The following PARP11 variants were observed in gnomAD, a reference collection of about 807,000 sequenced individuals.
PARP11 encodes poly(ADP-ribose) polymerase family member 11, also known as protein mono-ADP-ribosyltransferase PARP11.
Under a neutral mutation model 42.9 loss-of-function variants are expected in PARP11, and 31 were observed. The ratio of observed to expected loss-of-function variants is 0.72; its 90% CI spans 0.54 to 0.98. The LOEUF is 0.98. Ranked by LOEUF, PARP11 falls within the 50% of genes least tolerant of loss-of-function variation. The pLI, the probability that PARP11 is intolerant of heterozygous loss-of-function variation, is 0.00. For synonymous variants in PARP11, 137 were observed against 127.3 expected (o/e 1.08, Z -0.51); for missense variants, 365 against 413.1 (o/e 0.88, Z 1.01).
intron 1 of PARP11, among the ~76,000 whole-genome samples, chr12:3,834,833 C>A (rs1475519261): frequency 1.3e-5 from 2 of 151,860 alleles, no homozygotes; most frequent in Non-Finnish European, 2.9e-5. Flanking sequence ...GCTGTGTACA[C>A]CCAGGAATGA....
At chr12:3,821,772 A>T in intron 6 of PARP11, 101 bp downstream of exon 6, 1 of 1,242,468 alleles carries the variant, frequency 8.0e-7, no homozygotes, top group Non-Finnish European at 1.1e-6. Flanking sequence ...AGAGAAAAAC[A>T]GCATGTCTAC....
chr12:3,844,207 T>C (rs546786020), intron 1 of PARP11, among the ~76,000 whole-genome samples: 14 of 152,298 alleles, frequency 9.2e-5, no homozygotes, highest in African/African-American at 3.4e-4. Flanking sequence ...AGAGAGCACT[T>C]TGAAAGATAA....
Position 3,811,881 on chromosome 12 carries a change from C to A in PARP11, c.*242G>T, listed in dbSNP as rs183780981. The A allele has an allele frequency of 3.5e-4, 160 of 463,538 alleles. No homozygotes were observed. The highest frequency in any genetic ancestry group is 5.5e-4 in the Middle Eastern group (1 of 1,820). The allele number at this position is 463,538 out of a possible 1,614,324, so 28.7% of individuals were successfully genotyped here. A position where few individuals can be genotyped will look rare whatever the true frequency, so the allele number is the denominator to read the frequency against. ...TTCCATTTTGAATGGTATCTTTCAC[C>A]CCTATGTGTTAAAACATCAATGATA... On this transcript the variant is annotated 3_prime_UTR_variant, in exon 8 of 8. Coordinates refer to ENST00000228820, the MANE Select transcript of PARP11 (RefSeq NM_020367.6).
intron 1 of PARP11, among the ~76,000 whole-genome samples, chr12:3,853,716 G>C (rs1948141169): frequency 6.6e-6 from 1 of 152,122 alleles, no homozygotes; most frequent in African/African-American, 2.4e-5. Context: ...GTCAATATTA[G>C]ATAGATCAAC....
intron 6 of PARP11, 71 bp downstream of exon 6, chr12:3,821,802 A>T: frequency 6.8e-7 from 1 of 1,473,380 alleles, no homozygotes; most frequent in Non-Finnish European, 9.2e-7. Flanking sequence ...AATTAATACA[A>T]TTCAATATTT....
At chr12:3,865,177 G>A (rs776929867) in intron 1 of PARP11, among the ~76,000 whole-genome samples, 2 of 152,014 alleles carry the variant, frequency 1.3e-5, no homozygotes, top group Non-Finnish European at 2.9e-5. Context: ...TTCTGTTACT[G>A]GTTTCTAACT....
At chr12:3,813,785 C>T (rs1947229211) in intron 7 of PARP11, among the ~76,000 whole-genome samples, 1 of 152,168 alleles carries the variant, frequency 6.6e-6, no homozygotes, top group African/African-American at 2.4e-5. Flanking sequence ...ATTTTCACAA[C>T]ATTATAAATA....
At chr12:3,841,735 C>A (rs1244024952) in intron 1 of PARP11, 2 of 1,612,808 alleles carry the variant, frequency 1.2e-6, no homozygotes, top group African/African-American at 2.7e-5. Context: ...TCCTATTGCA[C>A]CTCCTTTCTT....
In PARP11 at chr12:3,810,157, T is replaced by C. The variant is rs901146813; in HGVS notation, c.*1966A>G. On this transcript the variant is annotated 3_prime_UTR_variant, in exon 8 of 8. Coordinates refer to ENST00000228820, the MANE Select transcript of PARP11 (RefSeq NM_020367.6). ...ATAAGCATAGACACTGGAATTTTTC[T>C]AAGAAGTTAAATTGTGTACACTAAC... is the stretch of plus-strand genomic sequence containing the variant. 6.6e-6 allele frequency: 1 copy of C among 152,234 alleles called. No individual in the cohort carries two copies. The highest frequency in any genetic ancestry group is 2.4e-5 in the African/African-American group (1 of 41,450). The allele number at this position is 152,234 out of a possible 1,614,324, so 9.4% of individuals were successfully genotyped here. A position where few individuals can be genotyped will look rare whatever the true frequency, so the allele number is the denominator to read the frequency against.
intron 4 of PARP11, among the ~76,000 whole-genome samples, chr12:3,822,953 A>G (rs574315774): frequency 5.3e-5 from 8 of 152,322 alleles, no homozygotes; most frequent in Admixed American, 2.6e-4. Flanking sequence ...TCTCTCCAAC[A>G]GTCCACTACC....
intron 1 of PARP11, among the ~76,000 whole-genome samples, chr12:3,862,824 T>C (rs1948320811): frequency 6.6e-6 from 1 of 152,142 alleles, no homozygotes. Context: ...GTTTTGATTA[T>C]TGTTGCTTCA....
intron 6 of PARP11, chr12:3,815,040 C>T (rs1309759840): frequency 4.4e-6 from 2 of 456,484 alleles, no homozygotes; most frequent in African/African-American, 4.0e-5. Flanking sequence ...ATGGAGTAAA[C>T]ACTTCACCTG....
Position 3,840,005 on chromosome 12 carries a change from A to G in PARP11, c.19-9987T>C. The G allele has an allele frequency of 6.3e-7, 1 of 1,594,766 alleles. No homozygotes were observed. Among genetic ancestry groups the G allele is most frequent in the South Asian group, 1.1e-5 (1 of 90,700 alleles). ...TCAGGCAACGAGCAGCTGAAGAACA[A>G]TGGGAACTCTACTAGCCTGCCTTTG... On this transcript the variant is annotated intron_variant, in intron 1 of 7. Coordinates refer to ENST00000228820, the MANE Select transcript of PARP11 (RefSeq NM_020367.6). The surrounding 1 kb of genome is among the most constrained non-coding windows in gnomAD (Gnocchi z 4.4).
chr12:3,829,158 G>C (rs1355589877), intron 2 of PARP11, 128 bp from the exon 3 acceptor site: 1 of 891,998 alleles, frequency 1.1e-6, no homozygotes, highest in Non-Finnish European at 1.7e-6. Flanking sequence ...ACCTGTTCTA[G>C]TTCCCAACAC....
intron 1 of PARP11, among the ~76,000 whole-genome samples, chr12:3,834,770 G>T (rs1441539983): frequency 6.6e-6 from 1 of 151,294 alleles, no homozygotes; most frequent in African/African-American, 2.4e-5. Context: ...AGACAGCCAA[G>T]AAGAGCCCTC....
chr12:3,835,869 A>G (rs1302212892), intron 1 of PARP11, among the ~76,000 whole-genome samples: 1 of 152,174 alleles, frequency 6.6e-6, no homozygotes, highest in African/African-American at 2.4e-5. Flanking sequence ...AAAAAATTGC[A>G]GAAAAATAAA....
chr12:3,825,663 TTAGAG>T (rs1368428718), intron 4 of PARP11, among the ~76,000 whole-genome samples: 1 of 152,166 alleles, frequency 6.6e-6, no homozygotes, highest in Admixed American at 6.5e-5. Flanking sequence ...AAGGAAGCAC[TTAGAG>T]TAAATAATAA....
intron 1 of PARP11, among the ~76,000 whole-genome samples, chr12:3,864,192 C>T (rs2138123961): frequency 6.6e-6 from 1 of 152,318 alleles, no homozygotes; most frequent in South Asian, 2.1e-4. Context: ...GTACTGGAAT[C>T]ACCACATAGT....
At chr12:3,866,625 A>G (rs1037320146) in intron 1 of PARP11, among the ~76,000 whole-genome samples, 1 of 152,022 alleles carries the variant, frequency 6.6e-6, no homozygotes, top group Non-Finnish European at 1.5e-5. Flanking sequence ...TTACTTAAAT[A>G]TAGTACTATA....
Sources: gnomAD v4.1 joint callset for allele counts (sites outside exome capture counted in the v4.1 genomes callset) on GRCh38, gnomAD v4.1.1 for gene constraint, Gnocchi (gnomAD v3.1) non-coding constraint, MANE v1.5 for transcripts, NCBI Gene and HGNC (gene_info 2026-07-23, HGNC 2026-07-21) for gene names.